Variants in SLC24A4 observed in about 807,000 individuals in gnomAD.
The protein encoded by SLC24A4 is sodium/potassium/calcium exchanger 4.
In SLC24A4, 53 loss-of-function variants were observed where a neutral mutation model predicts 79.0. That is an observed-to-expected ratio of 0.67 (90% confidence interval 0.54 to 0.84). SLC24A4 has a LOEUF of 0.84. Ranked by LOEUF, SLC24A4 falls within the 40% of genes least tolerant of loss-of-function variation. The pLI is 0.00. For missense variants in SLC24A4, 731 were observed against 822.0 expected, an observed-to-expected ratio of 0.89 and a Z score of 1.35; for synonymous variants, 323 against 323.8, an observed-to-expected ratio of 1.00 and a Z score of 0.03.
At chr14:92,418,212 A>C (rs1035296129) in intron 2 of SLC24A4, among the ~76,000 whole-genome samples, 2 of 152,200 alleles carry the variant, frequency 1.3e-5, no homozygotes, top group African/African-American at 4.8e-5. Flanking sequence ...TGCTCAACAG[A>C]CAGGGAAGCC....
In SLC24A4 at chr14:92,486,914, C is replaced by T. The variant is rs532743428; in HGVS notation, c.1537+134C>T. On this transcript the variant is annotated intron_variant, in intron 14 of 16. Transcript: ENST00000532405. ...CAAGTCCTGCTGTGGAGAAAAACTGCGACATCTAGAAAGCATCATTTATTA... is the reference window on the plus strand; with the variant it reads ...CAAGTCCTGCTGTGGAGAAAAACTGTGACATCTAGAAAGCATCATTTATTA... 23 of 597,634 alleles carry T rather than the reference C, an allele frequency of 3.8e-5. 1 individual carries two copies. The highest frequency in any genetic ancestry group is 6.6e-5 in the Non-Finnish European group (22 of 332,412). 37.0% of individuals were successfully genotyped at this position (597,634 alleles called of 1,614,324 possible). A position where few individuals can be genotyped will look rare whatever the true frequency, so the allele number is the denominator to read the frequency against.
In SLC24A4 at chr14:92,433,794, T is replaced by G. The variant is rs1892007650; in HGVS notation, c.242-118T>G. ...ACTGAGAAATGGCTGGCCTTCTCTC[T>G]GATCAGTCCAAAGCGAGGTGGGCTC... is the stretch of plus-strand genomic sequence containing the variant. On this transcript the variant is annotated intron_variant, in intron 2 of 16. Transcript: ENST00000532405. 3.7e-6 allele frequency: 3 copies of G among 820,244 alleles called. No individual in the cohort carries two copies. The South Asian group carries it at 4.3e-5, about 12-fold the overall frequency. The allele number at this position is 820,244 out of a possible 1,614,324, so 50.8% of individuals were successfully genotyped here. A position where few individuals can be genotyped will look rare whatever the true frequency, so the allele number is the denominator to read the frequency against.
intron 12 of SLC24A4, among the ~76,000 whole-genome samples, chr14:92,477,685 C>T (rs1894843880): frequency 6.6e-6 from 1 of 152,156 alleles, no homozygotes. Context: ...GAACTCCTGG[C>T]CTCAACCAGT....
At chr14:92,392,155 ACT>A (rs1303687319) in intron 2 of SLC24A4, among the ~76,000 whole-genome samples, 1 of 148,770 alleles carries the variant, frequency 6.7e-6, no homozygotes, top group Non-Finnish European at 1.5e-5. Context: ...ATTATCGGAA[ACT>A]CTTTGTAGAC....
At chr14:92,341,328 T>C (rs1228885732) in intron 2 of SLC24A4, among the ~76,000 whole-genome samples, 1 of 152,142 alleles carries the variant, frequency 6.6e-6, no homozygotes, top group African/African-American at 2.4e-5. Flanking sequence ...AGGCAGGACA[T>C]GCTTATTGGC....
intron 2 of SLC24A4, among the ~76,000 whole-genome samples, chr14:92,424,711 A>T (rs951957463): frequency 1.3e-5 from 2 of 151,836 alleles, no homozygotes; most frequent in Non-Finnish European, 2.9e-5. Flanking sequence ...AAAAAAAAAA[A>T]TACCAAAAAT....
At chr14:92,419,569 C>A (rs1294317661) in intron 2 of SLC24A4, among the ~76,000 whole-genome samples, 1 of 152,178 alleles carries the variant, frequency 6.6e-6, no homozygotes, top group Non-Finnish European at 1.5e-5. Context: ...TCCTTGTACT[C>A]CTAATGAGGA....
intron 12 of SLC24A4, 113 bp from the exon 13 acceptor site, chr14:92,482,567 C>A: frequency 9.9e-7 from 1 of 1,011,448 alleles, no homozygotes; most frequent in Non-Finnish European, 1.4e-6. Context: ...AGAGTCACAT[C>A]GGTGGCATTC....
chr14:92,464,641 C>T (rs1894000005), intron 12 of SLC24A4, among the ~76,000 whole-genome samples: 2 of 152,160 alleles, frequency 1.3e-5, no homozygotes, highest in Admixed American at 1.3e-4. Context: ...CACCGCAATT[C>T]TGCTTTTCAA....
At chr14:92,421,823 A>T (rs962702188) in intron 2 of SLC24A4, among the ~76,000 whole-genome samples, 2 of 152,068 alleles carry the variant, frequency 1.3e-5, no homozygotes, top group African/African-American at 2.4e-5. Flanking sequence ...CCATGTTTTA[A>T]AACTTCATTT....
rs780269198 is a variant in SLC24A4 at position 92,486,771 on chromosome 14, G to A, written c.1528G>A (p.Ala510Thr). Reference protein sequence around the residue: ...VPDCMASLIVARQGLGDMAVS... With the variant: ...VPDCMASLIVTRQGLGDMAVS... ...AGACTGCATGGCCAGCCTAATTGTG[G>A]CGAGACAAGGTATGGATTATGCCCC... Residue 510 changes from alanine (A) to threonine (T), a missense_variant, in exon 14 of 17, where the codon GCG becomes ACG. By Grantham distance (58) the Ala-to-Thr change is moderately conservative. Transcript: ENST00000532405. The A allele has an allele frequency of 1.2e-6, 2 of 1,613,330 alleles. No homozygotes were observed. The highest frequency in any genetic ancestry group is 1.6e-4 in the Middle Eastern group (1 of 6,078).
At chr14:92,342,464 A>C (rs974339780) in intron 2 of SLC24A4, among the ~76,000 whole-genome samples, 2 of 151,284 alleles carry the variant, frequency 1.3e-5, no homozygotes, top group Non-Finnish European at 2.9e-5. Flanking sequence ...GCTCACTGCA[A>C]CCTCTGCCTC....
rs1896140425 is a variant in SLC24A4, at chr14:92,500,997, C to A, written c.*7369C>A. 6.6e-6 allele frequency: 1 copy of A among 152,190 alleles called. No individual in the cohort carries two copies. The highest frequency in any genetic ancestry group is 2.1e-4 in the South Asian group (1 of 4,836). The allele number at this position is 152,190 out of a possible 1,614,324, so 9.4% of individuals were successfully genotyped here. On this transcript the variant is annotated 3_prime_UTR_variant, in exon 17 of 17. Transcript: ENST00000532405. ...GGCTGGGTGTGGTTTCTGAGGGAAC[C>A]TACCAAATAGCAGGTAGATGGAATC...
intron 2 of SLC24A4, among the ~76,000 whole-genome samples, chr14:92,409,066 A>G (rs1566745818): frequency 6.6e-6 from 1 of 152,128 alleles, no homozygotes; most frequent in Non-Finnish European, 1.5e-5. Context: ...TGGGGTTTCT[A>G]TAGAAAGAGG....
rs1006706073 is a variant in SLC24A4, at chr14:92,441,488, G to A, written c.394-601G>A. ...TGCCGTGGAGAAGGCCTTCCAGAAT[G>A]CAAGGCCCAGCTGCAGGCCAGAGGC... is the stretch of plus-strand genomic sequence containing the variant. On this transcript the variant is annotated intron_variant, in intron 4 of 16. Transcript: ENST00000532405. The surrounding 1 kb of genome is among the most constrained non-coding windows in gnomAD (Gnocchi z 4.6). Among the ~76,000 whole-genome samples, 9 of 152,212 alleles carry A rather than the reference G, an allele frequency of 5.9e-5. No individual in the cohort carries two copies. The highest frequency in any genetic ancestry group is 1.3e-4 in the Non-Finnish European group (9 of 68,032).
chr14:92,444,150 G>A (rs1892658684), intron 7 of SLC24A4, among the ~76,000 whole-genome samples: 1 of 152,122 alleles, frequency 6.6e-6, no homozygotes, highest in Admixed American at 6.5e-5. Context: ...TGTCTGCGAT[G>A]ATTCTACAGA....
Position 92,475,445 on chromosome 14 carries a change from A to G in SLC24A4, c.1256-7235A>G, listed in dbSNP as rs376715858. Among the ~76,000 whole-genome samples, 5 of 152,296 alleles carry G rather than the reference A, an allele frequency of 3.3e-5. No individual in the cohort carries two copies. In the East Asian group the frequency reaches 5.8e-4, roughly 18 times the overall value. Reference sequence around the variant, plus strand: ...TGCAACCCAGTCAGGAGAGGTAGAGATGGTGGATTCAAGTAGTAAGGCTAT... The same window carrying G: ...TGCAACCCAGTCAGGAGAGGTAGAGGTGGTGGATTCAAGTAGTAAGGCTAT... On this transcript the variant is annotated intron_variant, in intron 12 of 16. Coordinates refer to ENST00000532405, the MANE Select transcript of SLC24A4 (RefSeq NM_153646.4).
At chr14:92,382,966 C>A (rs1481415972) in intron 2 of SLC24A4, among the ~76,000 whole-genome samples, 1 of 152,208 alleles carries the variant, frequency 6.6e-6, no homozygotes, top group Non-Finnish European at 1.5e-5. Context: ...TCTTCCCTCT[C>A]CAGCAGTGAG....
At chr14:92,341,848 G>C (rs966380273) in intron 2 of SLC24A4, among the ~76,000 whole-genome samples, 1 of 152,204 alleles carries the variant, frequency 6.6e-6, no homozygotes, top group Non-Finnish European at 1.5e-5. Context: ...TCTAATTTCT[G>C]AGTGATTCTT....
Sources: gnomAD v4.1 joint callset for allele counts (sites outside exome capture counted in the v4.1 genomes callset) on GRCh38, gnomAD v4.1.1 for gene constraint, Gnocchi (gnomAD v3.1) non-coding constraint, MANE v1.5 for transcripts, NCBI Gene and HGNC (gene_info 2026-07-23, HGNC 2026-07-21) for gene names.